ZNF777: variants seen among roughly 807,000 people sequenced by gnomAD.
ZNF777 encodes zinc finger protein 777.
ZNF777 carries 7 observed loss-of-function variants against 72.1 expected under a neutral mutation model. The ratio of observed to expected loss-of-function variants is 0.10; its 90% confidence interval spans 0.06 to 0.18. ZNF777 has a LOEUF of 0.18. Among genes scored for constraint, ZNF777 ranks in the 10% least tolerant of loss-of-function variants. The pLI is 1.00. For missense variants in ZNF777, 828 were observed against 1,128.6 expected, an observed-to-expected ratio of 0.73 and a Z score of 3.82; for synonymous variants, 545 against 483.5, an observed-to-expected ratio of 1.13 and a Z score of -1.67.
intron 4 of ZNF777, among the ~76,000 whole-genome samples, chr7:149,438,605 T>C (rs1341229325): frequency 6.6e-6 from 1 of 152,102 alleles, no homozygotes; most frequent in Non-Finnish European, 1.5e-5. Context: ...GTAGACACAA[T>C]AAATAAATTA....
rs1175261346 is a variant in ZNF777 at position 149,460,154 on chromosome 7, C to T, written c.-16+661G>A. On this transcript the variant is annotated intron_variant, in intron 1 of 5. Transcript: ENST00000247930. The surrounding 1 kb of genome is among the most constrained non-coding windows in gnomAD (Gnocchi z 6.1). ...CGGGGCCGCCTCGGCCATGGCCCTG[C>T]GCTGTCCGGCCCGGGCCCCCGGAGT... is the stretch of plus-strand genomic sequence containing the variant. 1 of 967,844 alleles carries T rather than the reference C, an allele frequency of 1.0e-6. No individual in the cohort carries two copies. The highest frequency in any genetic ancestry group is 1.2e-6 in the Non-Finnish European group (1 of 816,468). The allele number at this position is 967,844 out of a possible 1,614,324, so 60.0% of individuals were successfully genotyped here. A position where few individuals can be genotyped will look rare whatever the true frequency, so the allele number is the denominator to read the frequency against.
chr7:149,457,599 A>G (rs964196186), intron 1 of ZNF777, among the ~76,000 whole-genome samples: 1 of 152,144 alleles, frequency 6.6e-6, no homozygotes, highest in Non-Finnish European at 1.5e-5. Context: ...TTATTGGTTC[A>G]TTTATAGGTG....
intron 3 of ZNF777, among the ~76,000 whole-genome samples, chr7:149,452,720 T>G (rs1489964517): frequency 6.6e-6 from 1 of 151,716 alleles, no homozygotes; most frequent in Non-Finnish European, 1.5e-5. Context: ...TAGAAGAACA[T>G]CAGCTCAGGC....
chr7:149,448,510 T>TATATAA (rs1351675498), intron 4 of ZNF777, among the ~76,000 whole-genome samples: 9,878 of 122,160 alleles, frequency 0.081, 919 homozygotes, highest in South Asian at 0.22. Context: ...TATATATATA[T>TATATAA]AACTATATAT....
intron 4 of ZNF777, among the ~76,000 whole-genome samples, chr7:149,447,961 C>A (rs1206555867): frequency 6.6e-6 from 1 of 152,134 alleles, no homozygotes; most frequent in African/African-American, 2.4e-5. Context: ...ACAGTACCTG[C>A]TACCAAAGAG....
At chr7:149,457,978 A>T (rs977282152) in intron 1 of ZNF777, among the ~76,000 whole-genome samples, 3 of 152,214 alleles carry the variant, frequency 2.0e-5, no homozygotes, top group African/African-American at 7.2e-5. Flanking sequence ...CAACTGAGGC[A>T]GCTGGCCAGG....
chr7:149,433,136 G>T (rs1161348270), intron 5 of ZNF777, among the ~76,000 whole-genome samples: 6 of 152,234 alleles, frequency 3.9e-5, no homozygotes, highest in Non-Finnish European at 5.9e-5. Flanking sequence ...GACTGGCCTT[G>T]CTGTTTGCTT....
At chr7:149,448,740 A>G (rs1294038997) in intron 4 of ZNF777, among the ~76,000 whole-genome samples, 1 of 151,316 alleles carries the variant, frequency 6.6e-6, no homozygotes, top group Non-Finnish European at 1.5e-5. Flanking sequence ...GGTTCGCTTT[A>G]CTCTTTGCCA....
At chr7:149,459,175 T>C (rs1312586160) in intron 1 of ZNF777, among the ~76,000 whole-genome samples, 1 of 152,160 alleles carries the variant, frequency 6.6e-6, no homozygotes, top group East Asian at 1.9e-4. Context: ...TTTAGAAAGC[T>C]ATATATCCTG....
intron 2 of ZNF777, 77 bp from the exon 3 acceptor site, chr7:149,454,314 A>C: frequency 6.3e-7 from 1 of 1,589,126 alleles, no homozygotes; most frequent in Non-Finnish European, 8.6e-7. Flanking sequence ...CCCAAGGCCC[A>C]AACTCCTGGC....
chr7:149,447,376 T>C (rs934176783), intron 4 of ZNF777, among the ~76,000 whole-genome samples: 1 of 152,250 alleles, frequency 6.6e-6, no homozygotes, highest in Non-Finnish European at 1.5e-5. Context: ...CAACACCTGC[T>C]CTTTGATGTC....
At chr7:149,449,891 G>A (rs867034605) in intron 4 of ZNF777, among the ~76,000 whole-genome samples, 8 of 152,168 alleles carry the variant, frequency 5.3e-5, no homozygotes, top group African/African-American at 1.9e-4. Context: ...GCCAGCACTT[G>A]TATTTTTACA....
chr7:149,450,973 G>A (rs1178388848), intron 4 of ZNF777, 26 bp downstream of exon 4: 15 of 1,583,964 alleles, frequency 9.5e-6, no homozygotes, highest in Non-Finnish European at 1.3e-5. Flanking sequence ...AGAATGCAGA[G>A]CTGCAGATCA....
rs77124010 is a variant in ZNF777, at chr7:149,455,057, C to T, written c.846+120G>A. 2.3e-3 allele frequency: 2,941 copies of T among 1,269,730 alleles called. 58 individuals are homozygous for T. In the African/African-American group the frequency reaches 0.04, roughly 17 times the overall value. The allele number at this position is 1,269,730 out of a possible 1,614,324, so 78.7% of individuals were successfully genotyped here. ...ATTTGATTTTGGCATGTCCTAGCAA[C>T]TGGGATCACTGTATTTTTTCCTTTA... On this transcript the variant is annotated intron_variant, in intron 2 of 5. Coordinates refer to ENST00000247930, the MANE Select transcript of ZNF777 (RefSeq NM_015694.3). This position sits in a 1 kb window ranked among gnomAD's most constrained non-coding sequence, Gnocchi z 4.2.
In ZNF777 at chr7:149,451,005, T is replaced by C. The variant is rs180980284; in HGVS notation, c.1081A>G (p.Ser361Gly). Residue 361 changes from serine to glycine, a missense_variant, in exon 4 of 6, where the codon AGT (serine) becomes GGT (glycine). Transcript: ENST00000247930. ...SEEGETPTDP[S>G]AAHDGIVIKI... ...ATCACCCTTAGCCACTCACCAGCAC[T>C]GGGATCTGTCGGCGTTTCGCCCTCC... is the stretch of plus-strand genomic sequence containing the variant. 49 of 1,613,592 alleles carry C rather than the reference T, an allele frequency of 3.0e-5. No individual in the cohort carries two copies. In the Admixed American group the frequency reaches 7.8e-4, roughly 26 times the overall value.
chr7:149,456,220 T>G (rs1168417264), intron 1 of ZNF777, among the ~76,000 whole-genome samples, 183 bp from the exon 2 acceptor site: 1 of 152,172 alleles, frequency 6.6e-6, no homozygotes, highest in Non-Finnish European at 1.5e-5. Flanking sequence ...ATACCACTAT[T>G]ATGAACCGCA....
Position 149,455,755 on chromosome 7 carries a change from C to T in ZNF777, c.268G>A (p.Glu90Lys), listed in dbSNP as rs1341364404. 4.4e-6 allele frequency: 7 copies of T among 1,596,028 alleles called. No homozygotes were observed. The East Asian group carries it at 1.3e-4, about 31-fold the overall frequency. The change falls in exon 2 of 6, where the codon GAG (glutamate) becomes AAG (lysine). Residue 90 changes from glutamate (E) to lysine (K), a missense_variant. Coordinates refer to ENST00000247930, the MANE Select transcript of ZNF777 (RefSeq NM_015694.3). The surrounding 1 kb of genome is among the most constrained non-coding windows in gnomAD (Gnocchi z 4.2). ...SLLCSAASEQ[E>K]TSLQGPLASQ... Reference sequence around the variant, plus strand: ...GCCAGGGGGCCCTGGAGAGAAGTCTCTTGCTCAGAAGCGGCAGAACACAGG... The same window carrying T: ...GCCAGGGGGCCCTGGAGAGAAGTCTTTTGCTCAGAAGCGGCAGAACACAGG...
intron 5 of ZNF777, among the ~76,000 whole-genome samples, chr7:149,435,967 C>T (rs544471668): frequency 8.5e-5 from 13 of 152,260 alleles, no homozygotes; most frequent in South Asian, 2.1e-4. Context: ...GGGCTTTTCC[C>T]GGGCCTGCCA....
chr7:149,431,558 C>A lies in ZNF777; in HGVS notation c.*218G>T, dbSNP rs915444987. 13 of 463,904 alleles carry A rather than the reference C, an allele frequency of 2.8e-5. 1 individual carries two copies. Among genetic ancestry groups the A allele is most frequent in the Non-Finnish European group, 5.4e-5 (13 of 240,200 alleles). The allele number at this position is 463,904 out of a possible 1,614,324, so 28.7% of individuals were successfully genotyped here. A position where few individuals can be genotyped will look rare whatever the true frequency, so the allele number is the denominator to read the frequency against. ...AACAGCCCGAAAGGGTTCCCCAGGT[C>A]CGCGCCCTCCCCCCTGGGGCCCCCG... On this transcript the variant is annotated 3_prime_UTR_variant, in exon 6 of 6. Coordinates refer to ENST00000247930, the MANE Select transcript of ZNF777 (RefSeq NM_015694.3).
Sources: gnomAD v4.1 joint callset for allele counts (sites outside exome capture counted in the v4.1 genomes callset) on GRCh38, gnomAD v4.1.1 for gene constraint, Gnocchi (gnomAD v3.1) non-coding constraint, MANE v1.5 for transcripts, NCBI Gene and HGNC (gene_info 2026-07-23, HGNC 2026-07-21) for gene names.